SLC25A38: variants seen among roughly 807,000 people sequenced by gnomAD.
The protein encoded by SLC25A38 is mitochondrial glycine transporter.
In SLC25A38, 27 loss-of-function variants were observed where a neutral mutation model predicts 33.4. That is an observed-to-expected ratio of 0.81 (90% CI 0.60 to 1.11). The LOEUF is 1.11. Among genes scored for constraint, SLC25A38 ranks in the 50% most tolerant of loss-of-function variants. SLC25A38 has a pLI of 0.00. For missense variants in SLC25A38, 344 were observed against 388.8 expected, an observed-to-expected ratio of 0.88 and a Z score of 0.97; for synonymous variants, 123 against 145.9, an observed-to-expected ratio of 0.84 and a Z score of 1.13.
chr3:39,384,690 G>A lies in SLC25A38; in HGVS notation c.69+897G>A, dbSNP rs572486154. The A allele has an allele frequency of 4.9e-4, 197 of 398,322 alleles. 2 individuals carry two copies. In the East Asian group the frequency reaches 6.9e-3, roughly 14 times the overall value. 24.7% of individuals were successfully genotyped at this position (398,322 alleles called of 1,614,324 possible). On this transcript the variant is annotated intron_variant, in intron 1 of 6. Coordinates refer to ENST00000650617, the MANE Select transcript of SLC25A38 (RefSeq NM_017875.4). ...TTGTGGATCCAGTTTGTACTCTTAT[G>A]TGCTACTTATTTCGTGTGCGTATTA... is the stretch of plus-strand genomic sequence containing the variant.
chr3:39,385,869 G>T (rs1052413332), intron 1 of SLC25A38, among the ~76,000 whole-genome samples: 2 of 152,170 alleles, frequency 1.3e-5, no homozygotes, highest in African/African-American at 2.4e-5. Flanking sequence ...GAGCAAGACC[G>T]GTGCTAGGGC....
At position 39,396,721 on chromosome 3, in the gene SLC25A38, T is replaced by C; in HGVS notation, c.*201T>C. 2 of 769,042 alleles carry C rather than the reference T, an allele frequency of 2.6e-6. No individual in the cohort carries two copies. The highest frequency in any genetic ancestry group is 1.6e-5 in the South Asian group (1 of 62,146). 47.6% of individuals were successfully genotyped at this position (769,042 alleles called of 1,614,324 possible). On this transcript the variant is annotated 3_prime_UTR_variant, in exon 7 of 7. Transcript: ENST00000650617. The stretch of plus-strand genomic sequence containing the variant: ...GCCTTCAGAATCTCCAAAAGAGGAG[T>C]CATCAATTCATAGAGCACACTAGGG...
intron 5 of SLC25A38, 57 bp downstream of exon 5, chr3:39,392,078 A>G (rs1389947438): frequency 5.0e-6 from 8 of 1,600,964 alleles, no homozygotes; most frequent in Non-Finnish European, 6.8e-6. Context: ...GATCCTCACC[A>G]TTTTCTCTGG....
At chr3:39,395,629 G>A (rs2041819264) in intron 6 of SLC25A38, among the ~76,000 whole-genome samples, 1 of 151,790 alleles carries the variant, frequency 6.6e-6, no homozygotes, top group African/African-American at 2.4e-5. Flanking sequence ...GGAGGAAGGG[G>A]CATTTTTTCT....
intron 5 of SLC25A38, among the ~76,000 whole-genome samples, chr3:39,393,468 C>T (rs1033548540): frequency 6.6e-6 from 1 of 152,104 alleles, no homozygotes; most frequent in African/African-American, 2.4e-5. Flanking sequence ...GTCATATAAC[C>T]ATCTTATGAA....
Position 39,391,993 on chromosome 3 carries a change from C to A in SLC25A38, c.597C>A (p.Tyr199Ter). 1 of 1,614,194 alleles carries A rather than the reference C, an allele frequency of 6.2e-7. No individual in the cohort carries two copies. The highest frequency in any genetic ancestry group is 8.5e-7 in the Non-Finnish European group (1 of 1,180,038). ...APFSGIYLMF[Y>*]NQTKNIVPHD... Reference sequence around the variant, plus strand: ...TCTCAGGAATCTACCTGATGTTTTACAACCAGACCAAAAATATAGTGCCTC... The same window carrying A: ...TCTCAGGAATCTACCTGATGTTTTAAAACCAGACCAAAAATATAGTGCCTC... The change falls in exon 5 of 7, where the codon TAC becomes TAA. Residue 199 changes from tyrosine to a stop codon, truncating the protein, a stop_gained. Transcript: ENST00000650617. LOFTEE classifies it high-confidence loss of function.
chr3:39,396,564 G>C lies in SLC25A38; in HGVS notation c.*44G>C. On this transcript the variant is annotated 3_prime_UTR_variant, in exon 7 of 7. Transcript: ENST00000650617. ...CGGGTGAAATCTGTTGCCCTGCTTG[G>C]TTTCTGCCAAGGGCTGCTGCTTCTT... 1 of 1,613,438 alleles carries C rather than the reference G, an allele frequency of 6.2e-7. No individual in the cohort carries two copies. Among genetic ancestry groups the C allele is most frequent in the Middle Eastern group, 1.7e-4 (1 of 5,726 alleles).
At position 39,391,531 on chromosome 3, in the gene SLC25A38, G is replaced by T; in HGVS notation, c.367G>T (p.Ala123Ser). The change falls in exon 4 of 7, where the codon GCC becomes TCC. Residue 123 changes from alanine (A) to serine (S), a missense_variant. Ala to Ser is a moderately conservative substitution (Grantham distance 99). Around this residue, in one of 2 missense-constraint regions of SLC25A38, gnomAD observed 269 missense variants for 271.8 expected, o/e 0.99. Transcript: ENST00000650617. ...TTTCTTGCGAGGCCATCCCCCAACC[G>T]CCCTGGAGTCAGTCATGCTGGGGGT... ...QYFLRGHPPTALESVMLGVGS... is the reference protein window; with the variant it reads ...QYFLRGHPPTSLESVMLGVGS... 1 of 1,614,182 alleles carries T rather than the reference G, an allele frequency of 6.2e-7. No homozygotes were observed. The highest frequency in any genetic ancestry group is 8.5e-7 in the Non-Finnish European group (1 of 1,180,038).
chr3:39,389,414 A>G lies in SLC25A38; in HGVS notation c.70-81A>G. 1 of 1,609,444 alleles carries G rather than the reference A, an allele frequency of 6.2e-7. No homozygotes were observed. Among genetic ancestry groups the G allele is most frequent in the South Asian group, 1.1e-5 (1 of 90,644 alleles). On this transcript the variant is annotated intron_variant, in intron 1 of 6. Transcript: ENST00000650617. This position sits in a 1 kb window ranked among gnomAD's most constrained non-coding sequence, Gnocchi z 4.5. ...GGTAAGTGTCTAAGAGACCATTATA[A>G]AGGAATTTGCTGGTCAGGTATAGAG...
At chr3:39,393,354 C>T (rs1047872137) in intron 5 of SLC25A38, among the ~76,000 whole-genome samples, 1 of 152,126 alleles carries the variant, frequency 6.6e-6, no homozygotes, top group African/African-American at 2.4e-5. Flanking sequence ...AAGAATAGTA[C>T]AATGTACATA....
intron 6 of SLC25A38, among the ~76,000 whole-genome samples, chr3:39,395,238 T>G (rs1238898556): frequency 6.6e-6 from 1 of 152,192 alleles, no homozygotes; most frequent in Non-Finnish European, 1.5e-5. Flanking sequence ...TGAACAAGCT[T>G]GCTCTAATAT....
At chr3:39,385,644 G>T (rs1384850103) in intron 1 of SLC25A38, among the ~76,000 whole-genome samples, 1 of 152,158 alleles carries the variant, frequency 6.6e-6, no homozygotes, top group African/African-American at 2.4e-5. Flanking sequence ...AGAGCATAAG[G>T]TTTCCTGTTA....
rs762123735 is a variant in SLC25A38 at position 39,389,180 on chromosome 3, C to G, written c.70-315C>G. Among the ~76,000 whole-genome samples the G allele has an allele frequency of 6.6e-6, 1 of 152,146 alleles. No individual in the cohort carries two copies. The highest frequency in any genetic ancestry group is 1.5e-5 in the Non-Finnish European group (1 of 68,028). ...GCTTTTGCAAAGATAGGGAGATGACCAGTAACTTTTTGAGTCAGAACAAAT... is the reference window on the plus strand; with the variant it reads ...GCTTTTGCAAAGATAGGGAGATGACGAGTAACTTTTTGAGTCAGAACAAAT... On this transcript the variant is annotated intron_variant, in intron 1 of 6. Transcript: ENST00000650617. The surrounding 1 kb of genome is among the most constrained non-coding windows in gnomAD (Gnocchi z 4.5).
intron 1 of SLC25A38, among the ~76,000 whole-genome samples, chr3:39,388,743 C>T (rs1042316270): frequency 2.0e-5 from 3 of 151,946 alleles, no homozygotes; most frequent in African/African-American, 7.3e-5. Flanking sequence ...TTCTAGGGGT[C>T]TGGAGAAAGG....
In SLC25A38 at chr3:39,396,924, G is replaced by A. The variant is rs886058473; in HGVS notation, c.*404G>A. 9.5e-5 allele frequency: 31 copies of A among 327,344 alleles called. No individual in the cohort carries two copies. The highest frequency in any genetic ancestry group is 2.1e-4 in the African/African-American group (10 of 46,524). The allele number at this position is 327,344 out of a possible 1,614,324, so 20.3% of individuals were successfully genotyped here. A position where few individuals can be genotyped will look rare whatever the true frequency, so the allele number is the denominator to read the frequency against. ...CTGTAAGCTGCCTGCCGGGCCTGAG[G>A]AGCTCCAACCAGGGAAGACTGGATG... On this transcript the variant is annotated 3_prime_UTR_variant, in exon 7 of 7. Transcript: ENST00000650617.
chr3:39,384,505 C>CGG, intron 1 of SLC25A38: 2 of 390,190 alleles, frequency 5.1e-6, no homozygotes, highest in Non-Finnish European at 4.5e-6. Context: ...GTAGGGGCGG[C>CGG]TTTTATTTTT....
chr3:39,384,962 C>T (rs776568546), intron 1 of SLC25A38, among the ~76,000 whole-genome samples: 4 of 151,924 alleles, frequency 2.6e-5, no homozygotes, highest in Non-Finnish European at 4.4e-5. Flanking sequence ...CCACCACGCC[C>T]GGCTAGTTTT....
In SLC25A38 at chr3:39,396,649, T is replaced by C. The variant is rs1379617994; in HGVS notation, c.*129T>C. On this transcript the variant is annotated 3_prime_UTR_variant, in exon 7 of 7. Transcript: ENST00000650617. Reference sequence around the variant, plus strand: ...AACCAGGCAGAAATTGTGTTGCCTTTGCCTTCAGTAATCCCCTTAAGGAGA... The same window carrying C: ...AACCAGGCAGAAATTGTGTTGCCTTCGCCTTCAGTAATCCCCTTAAGGAGA... The C allele has an allele frequency of 2.0e-6, 3 of 1,471,354 alleles. No homozygotes were observed. Among genetic ancestry groups the C allele is most frequent in the Non-Finnish European group, 2.8e-6 (3 of 1,061,442 alleles). 91.1% of individuals were successfully genotyped at this position (1,471,354 alleles called of 1,614,324 possible).
chr3:39,384,340 G>T (rs1159448775), intron 1 of SLC25A38: 3 of 240,296 alleles, frequency 1.2e-5, no homozygotes, highest in Non-Finnish European at 1.6e-5. Flanking sequence ...TGGTCATCGT[G>T]CCCGGGCCGC....
Sources: gnomAD v4.1 joint callset for allele counts (sites outside exome capture counted in the v4.1 genomes callset) on GRCh38, gnomAD v4.1.1 for gene constraint, gnomAD v4.1.1 regional missense constraint, Gnocchi (gnomAD v3.1) non-coding constraint, MANE v1.5 for transcripts, NCBI Gene and HGNC (gene_info 2026-07-23, HGNC 2026-07-21) for gene names.